The following GABRA2 variants were observed in gnomAD, a reference collection of about 807,000 sequenced individuals.
GABRA2 encodes gamma-aminobutyric acid receptor subunit alpha-2.
Under a neutral mutation model 48.7 loss-of-function variants are expected in GABRA2, and 16 were observed. That is an observed-to-expected ratio of 0.33 (90% confidence interval 0.22 to 0.50). The LOEUF (loss-of-function observed/expected upper bound fraction) is 0.50. GABRA2 is among the 20% of genes least tolerant of loss of function. The probability of loss-of-function intolerance (pLI) is 0.98; values close to 1 mark genes in which losing one functional copy is unlikely to be tolerated. For missense variants in GABRA2, 275 were observed against 535.6 expected, an observed-to-expected ratio of 0.51 and a Z score of 4.80; for synonymous variants, 185 against 184.5, an observed-to-expected ratio of 1.00 and a Z score of -0.02.
intron 8 of GABRA2, among the ~76,000 whole-genome samples, chr4:46,285,499 T>C (rs981076141): frequency 2.6e-5 from 4 of 152,056 alleles, no homozygotes; most frequent in Non-Finnish European, 2.9e-5. Flanking sequence ...TTCTGTTGAC[T>C]CCCTCCGAAA....
intron 9 of GABRA2, among the ~76,000 whole-genome samples, chr4:46,258,587 A>T (rs1716321668): frequency 6.6e-6 from 1 of 151,870 alleles, no homozygotes; most frequent in Non-Finnish European, 1.5e-5. Flanking sequence ...AGGGATAAAC[A>T]AGAACAGATG....
In GABRA2 at chr4:46,246,414, TG is replaced by T. The variant is rs1181041951; in HGVS notation, c.*3893del. ...CTTGTCTTCTCCACACTGTTACAAG[TG>T]GTTTTGGTATAGTGTCCATGTTTCT... On this transcript the variant is annotated 3_prime_UTR_variant, in exon 10 of 10. Transcript: ENST00000381620. Among the ~76,000 whole-genome samples, 4 of 151,302 alleles carry T rather than the reference TG, an allele frequency of 2.6e-5. No individual in the cohort carries two copies. The highest frequency in any genetic ancestry group is 9.6e-5 in the African/African-American group (4 of 41,452).
At chr4:46,275,961 G>A (rs1429096977) in intron 8 of GABRA2, among the ~76,000 whole-genome samples, 1 of 152,036 alleles carries the variant, frequency 6.6e-6, no homozygotes, top group Non-Finnish European at 1.5e-5. Context: ...TGGCTGCAGT[G>A]AAAGTAAATA....
intron 8 of GABRA2, among the ~76,000 whole-genome samples, chr4:46,270,421 C>T (rs1345062150): frequency 3.3e-5 from 5 of 151,988 alleles, no homozygotes; most frequent in Non-Finnish European, 1.5e-5. Context: ...CTGGAAAGCT[C>T]ACAAACCTTC....
In GABRA2 at chr4:46,256,387, T is replaced by C. The variant is rs1355645235; in HGVS notation, c.1059+5539A>G. ...TTATTGAAGGGGACTACAAGAAACA[T>C]CAATATGAAATCCATTATTGCGTTT... On this transcript the variant is annotated intron_variant, in intron 9 of 9. Coordinates refer to ENST00000381620, the MANE Select transcript of GABRA2 (RefSeq NM_000807.4). 1 of 581,180 alleles carries C rather than the reference T, an allele frequency of 1.7e-6. No individual in the cohort carries two copies. Among genetic ancestry groups the C allele is most frequent in the Non-Finnish European group, 3.1e-6 (1 of 318,524 alleles). 36.0% of individuals were successfully genotyped at this position (581,180 alleles called of 1,614,324 possible). A position where few individuals can be genotyped will look rare whatever the true frequency, so the allele number is the denominator to read the frequency against.
In GABRA2 at chr4:46,361,271, G is replaced by A. The variant is rs186464580; in HGVS notation, c.187+24803C>T. On this transcript the variant is annotated intron_variant, in intron 3 of 9. Transcript: ENST00000381620. ...TTTAGCAGGAAAAATGGGCCTGGCC[G>A]AGGGTCCCCCTGCTGTGTGCAGTAT... Among the ~76,000 whole-genome samples the A allele has an allele frequency of 7.4e-4, 112 of 152,050 alleles. 1 individual carries two copies. In the East Asian group the frequency reaches 8.5e-3, roughly 12 times the overall value.
intron 4 of GABRA2, among the ~76,000 whole-genome samples, chr4:46,330,583 T>G (rs71611975): frequency 0.11 from 11,594 of 107,930 alleles, 612 homozygotes; most frequent in African/African-American, 0.18. Context: ...TATATATATA[T>G]ATATATATAG....
chr4:46,304,417 A>G (rs997509847), intron 7 of GABRA2, among the ~76,000 whole-genome samples: 4 of 151,934 alleles, frequency 2.6e-5, no homozygotes, highest in Non-Finnish European at 4.4e-5. Context: ...CTGGGTTTTA[A>G]TTATTGCCAA....
chr4:46,360,353 T>TC (rs1712971467), intron 3 of GABRA2, among the ~76,000 whole-genome samples: 1 of 152,196 alleles, frequency 6.6e-6, no homozygotes, highest in Admixed American at 6.5e-5. Context: ...GGTGGGTTTT[T>TC]CCCATGCTGT....
chr4:46,310,231 T>C lies in GABRA2; in HGVS notation c.501A>G (p.Pro167=). ...CCATTGGGAAATCCTCCAAGTGCAT[T>C]GGGCATTCAGCTTGAACTGTAAGCC... The part of the protein sequence containing the change: ...TMRLTVQAEC[P]MHLEDFPMDA... The change falls in exon 6 of 10, where the codon CCA becomes CCG. Residue 167 remains proline (P), a synonymous_variant. Transcript: ENST00000381620. 1 of 1,613,784 alleles carries C rather than the reference T, an allele frequency of 6.2e-7. No homozygotes were observed. The highest frequency in any genetic ancestry group is 8.5e-7 in the Non-Finnish European group (1 of 1,179,766).
intron 8 of GABRA2, among the ~76,000 whole-genome samples, chr4:46,267,731 T>C (rs1299232479): frequency 4.6e-5 from 7 of 152,082 alleles, no homozygotes. Flanking sequence ...TAGGGGGTCA[T>C]CTAATGAATG....
At chr4:46,308,015 C>T (rs573534213) in intron 6 of GABRA2, among the ~76,000 whole-genome samples, 2 of 152,154 alleles carry the variant, frequency 1.3e-5, no homozygotes, top group Admixed American at 6.5e-5. Flanking sequence ...AATTAAGCTG[C>T]CATTAAATAA....
chr4:46,252,043 G>C (rs948972087), intron 9 of GABRA2, among the ~76,000 whole-genome samples: 2 of 151,350 alleles, frequency 1.3e-5, no homozygotes, highest in Non-Finnish European at 3.0e-5. Flanking sequence ...AGGACAAATT[G>C]GTCTACAATC....
chr4:46,325,889 G>C (rs932726964), intron 4 of GABRA2, among the ~76,000 whole-genome samples: 1 of 151,816 alleles, frequency 6.6e-6, no homozygotes, highest in Non-Finnish European at 1.5e-5. Flanking sequence ...AGCTATAAGT[G>C]CGTGGCTTTA....
intron 9 of GABRA2, among the ~76,000 whole-genome samples, chr4:46,251,623 C>T (rs1714776986): frequency 6.6e-6 from 1 of 151,424 alleles, no homozygotes; most frequent in Non-Finnish European, 1.5e-5. Flanking sequence ...ATGCCATTTC[C>T]TAAGAAAGGA....
At chr4:46,300,737 C>T (rs1725591804) in intron 8 of GABRA2, among the ~76,000 whole-genome samples, 1 of 152,012 alleles carries the variant, frequency 6.6e-6, no homozygotes, top group African/African-American at 2.4e-5. Context: ...AAAAATTCTA[C>T]ATGTTAGCCT....
At chr4:46,253,188 A>G (rs1715148362) in intron 9 of GABRA2, among the ~76,000 whole-genome samples, 1 of 151,102 alleles carries the variant, frequency 6.6e-6, no homozygotes, top group Non-Finnish European at 1.5e-5. Flanking sequence ...TTTTTGCAAC[A>G]GGAGTCTCCA....
At chr4:46,297,502 TATATATATATATATGGAGAACTGA>T (rs1362665873) in intron 8 of GABRA2, among the ~76,000 whole-genome samples, 1,487 of 130,478 alleles carry the variant, frequency 0.011, 74 homozygotes, top group African/African-American at 0.044. Context: ...TATATATATA[TATATATATATATATGGAGAACTGA>T]TATATACACT....
chr4:46,373,042 C>T (rs1560596134), intron 3 of GABRA2, among the ~76,000 whole-genome samples: 1 of 152,116 alleles, frequency 6.6e-6, no homozygotes, highest in Non-Finnish European at 1.5e-5. Context: ...TTGCAGCTGC[C>T]CCCTGGAACT....
Sources: gnomAD v4.1 joint callset for allele counts (sites outside exome capture counted in the v4.1 genomes callset) on GRCh38, gnomAD v4.1.1 for gene constraint, MANE v1.5 for transcripts, NCBI Gene and HGNC (gene_info 2026-07-23, HGNC 2026-07-21) for gene names.